The following EIF2AK3 variants were observed in gnomAD, a reference collection of about 807,000 sequenced individuals.
EIF2AK3 encodes the protein eukaryotic translation initiation factor 2 alpha kinase 3.
EIF2AK3 carries 50 observed loss-of-function variants against 113.5 expected under a neutral mutation model. The observed-to-expected ratio is 0.44, with a 90% CI of 0.35 to 0.56. The LOEUF is 0.56. Among genes scored for constraint, EIF2AK3 ranks in the 20% least tolerant of loss-of-function variants. EIF2AK3 has a pLI of 0.00. For synonymous variants in EIF2AK3, 448 were observed against 495.4 expected (o/e 0.90, Z 1.27); for missense variants, 1,185 against 1,378.0 (o/e 0.86, Z 2.22).
At chr2:88,621,478 G>A (rs1388981209) in intron 1 of EIF2AK3, among the ~76,000 whole-genome samples, 1 of 152,202 alleles carries the variant, frequency 6.6e-6, no homozygotes, top group Admixed American at 6.5e-5. Flanking sequence ...TATCCTTTCT[G>A]GGGGTTGGGG....
intron 1 of EIF2AK3, among the ~76,000 whole-genome samples, chr2:88,616,007 TC>T (rs991097183): frequency 2.0e-5 from 3 of 151,682 alleles, no homozygotes; most frequent in Non-Finnish European, 4.4e-5. Flanking sequence ...CTATATGGCT[TC>T]CAGGTCACCA....
At position 88,557,532 on chromosome 2, in the gene EIF2AK3, C is replaced by T. The variant is rs555858422; in HGVS notation, c.*204G>A. The T allele has an allele frequency of 4.4e-5, 27 of 612,618 alleles. No individual in the cohort carries two copies. In the East Asian group the frequency reaches 6.8e-4, roughly 15 times the overall value. 37.9% of individuals were successfully genotyped at this position (612,618 alleles called of 1,614,324 possible). ...AGACTAACAAAGAACAAAGATAGCC[C>T]TTTCCTTAAGTATAGCAAAACTCAG... On this transcript the variant is annotated 3_prime_UTR_variant, in exon 17 of 17. Coordinates refer to ENST00000303236, the MANE Select transcript of EIF2AK3 (RefSeq NM_004836.7).
intron 3 of EIF2AK3, 64 bp from the exon 4 acceptor site, chr2:88,593,469 T>C (rs1176107733): frequency 1.3e-6 from 2 of 1,584,966 alleles, no homozygotes; most frequent in Non-Finnish European, 1.7e-6. Context: ...ATCAGAGATA[T>C]TAAAGGAATC....
intron 9 of EIF2AK3, among the ~76,000 whole-genome samples, chr2:88,583,964 TA>T (rs373275419): frequency 3.9e-5 from 6 of 152,186 alleles, no homozygotes; most frequent in African/African-American, 1.2e-4. Context: ...ATTTCCTTCC[TA>T]ACCAGTTTCA....
At chr2:88,562,507 T>C in intron 14 of EIF2AK3, 117 bp from the exon 15 acceptor site, 2 of 800,306 alleles carry the variant, frequency 2.5e-6, no homozygotes, top group Non-Finnish European at 4.3e-6. Context: ...TGCAAGTACA[T>C]GTGTAAAAAT....
intron 1 of EIF2AK3, among the ~76,000 whole-genome samples, chr2:88,618,095 T>C (rs950012366): frequency 1.3e-5 from 2 of 152,280 alleles, no homozygotes; most frequent in South Asian, 2.1e-4. Flanking sequence ...GGTGGGAGGA[T>C]TGCTTGTGCC....
In EIF2AK3 at chr2:88,560,989, A is replaced by G. The variant is rs551511839; in HGVS notation, c.3087+1300T>C. Among the ~76,000 whole-genome samples the G allele has an allele frequency of 2.4e-4, 36 of 152,312 alleles. No individual in the cohort carries two copies. In the South Asian group the frequency reaches 7.2e-3, roughly 31 times the overall value. ...GGTAGCTACTTATGAAAGATAGGGA[A>G]GAATGTGACAGAGGCCCACTTTATT... On this transcript the variant is annotated intron_variant, in intron 15 of 16. Coordinates refer to ENST00000303236, the MANE Select transcript of EIF2AK3 (RefSeq NM_004836.7).
Position 88,588,733 on chromosome 2 carries a change from T to G in EIF2AK3, c.1306+28A>C, listed in dbSNP as rs374323638. On this transcript the variant is annotated intron_variant, in intron 7 of 16. Transcript: ENST00000303236. ...GGATTAGGTCTCTGAACACTAACAGTATTTAGAAAAGTTTACAATTCACTT... is the reference window on the plus strand; with the variant it reads ...GGATTAGGTCTCTGAACACTAACAGGATTTAGAAAAGTTTACAATTCACTT... 36 of 1,612,826 alleles carry G rather than the reference T, an allele frequency of 2.2e-5. No homozygotes were observed. The African/African-American group carries it at 3.7e-4, about 17-fold the overall frequency.
chr2:88,562,398 C>T lies in EIF2AK3; in HGVS notation c.2986-8G>A. The T allele has an allele frequency of 6.2e-7, 1 of 1,608,146 alleles. No homozygotes were observed. The highest frequency in any genetic ancestry group is 8.5e-7 in the Non-Finnish European group (1 of 1,174,678). ...ATAGCTGTTTCCATGAATCTGAAAT[C>T]CCACATAAAGAAAATTTAAAAATTA... is the stretch of plus-strand genomic sequence containing the variant. On this transcript the variant is annotated splice_region_variant and splice_polypyrimidine_tract_variant and intron_variant, in intron 14 of 16. Transcript: ENST00000303236.
intron 1 of EIF2AK3, among the ~76,000 whole-genome samples, chr2:88,625,611 T>G (rs1486927890): frequency 6.6e-6 from 1 of 152,182 alleles, no homozygotes; most frequent in African/African-American, 2.4e-5. Context: ...CTGCACACTC[T>G]CCTGGAAGGC....
At chr2:88,558,584 TA>T (rs1240222094) in intron 16 of EIF2AK3, among the ~76,000 whole-genome samples, 2 of 152,248 alleles carry the variant, frequency 1.3e-5, no homozygotes, top group Non-Finnish European at 2.9e-5. Flanking sequence ...CCCTTCATTA[TA>T]ATACTGAAAG....
chr2:88,582,718 CTAT>C (rs148097295), intron 10 of EIF2AK3, among the ~76,000 whole-genome samples: 5,446 of 152,118 alleles, frequency 0.036, 313 homozygotes, highest in African/African-American at 0.12. Flanking sequence ...ACATATTTAT[CTAT>C]TATTTTCAAT....
In EIF2AK3 at chr2:88,626,968, T is replaced by A; in HGVS notation, c.307A>T (p.Arg103Trp). The A allele has an allele frequency of 6.2e-7, 1 of 1,608,034 alleles. No individual in the cohort carries two copies. Among genetic ancestry groups the A allele is most frequent in the Non-Finnish European group, 8.5e-7 (1 of 1,178,404 alleles). ...TCCCCCGGGTCGGCAGCCCCTCACCTGCCGCGCGGTCGCAACTCTGTCTCA... is the reference window on the plus strand; with the variant it reads ...TCCCCCGGGTCGGCAGCCCCTCACCAGCCGCGCGGTCGCAACTCTGTCTCA... ...DDETELRPRG[R>W]SLVIISTLDG... Residue 103 changes from arginine to tryptophan, a missense_variant and splice_region_variant, in exon 1 of 17, where the codon AGG becomes TGG. Coordinates refer to ENST00000303236, the MANE Select transcript of EIF2AK3 (RefSeq NM_004836.7).
chr2:88,626,896 C>T, intron 1 of EIF2AK3, 71 bp downstream of exon 1: 2 of 1,562,200 alleles, frequency 1.3e-6, no homozygotes, highest in South Asian at 2.3e-5. Context: ...GGATCTCCGC[C>T]CCCCTACACC....
intron 2 of EIF2AK3, among the ~76,000 whole-genome samples, chr2:88,602,831 A>AGGTGT: frequency 6.6e-6 from 1 of 152,192 alleles, no homozygotes; most frequent in East Asian, 1.9e-4. Flanking sequence ...GAAGAGCATT[A>AGGTGT]GGACAAACAC....
intron 1 of EIF2AK3, among the ~76,000 whole-genome samples, chr2:88,621,674 A>G (rs1423207846): frequency 5.3e-5 from 8 of 152,166 alleles, no homozygotes; most frequent in African/African-American, 1.9e-4. Context: ...CTTCAAGTCA[A>G]ACCTCCTTTA....
Position 88,575,145 on chromosome 2 carries a change from C to A in EIF2AK3, c.2338G>T (p.Asp780Tyr), listed in dbSNP as rs1365163126. The change falls in exon 13 of 17, where the codon GAT becomes TAT. Residue 780 changes from aspartate (D) to tyrosine (Y), a missense_variant. Asp to Tyr is a radical substitution (Grantham distance 160). Transcript: ENST00000303236. ...CAAAGTTCAAAGGAGTGCCCCTCAT[C>A]ATTGCCATCCATAGTCCCATCTTCC... ...DVEDGTMDGN[D>Y]EGHSFELCPS... 6.2e-7 allele frequency: 1 copy of A among 1,614,112 alleles called. No homozygotes were observed. Among genetic ancestry groups the A allele is most frequent in the South Asian group, 1.1e-5 (1 of 91,088 alleles).
intron 1 of EIF2AK3, among the ~76,000 whole-genome samples, chr2:88,625,709 A>T (rs141206562): frequency 1.3e-5 from 2 of 152,332 alleles, no homozygotes; most frequent in East Asian, 3.9e-4. Context: ...TTTGAATTCT[A>T]AGAAAAAGAA....
chr2:88,614,404 A>G (rs551147107), intron 1 of EIF2AK3, among the ~76,000 whole-genome samples: 17 of 152,228 alleles, frequency 1.1e-4, no homozygotes, highest in Non-Finnish European at 1.9e-4. Context: ...CCTAGTAGAC[A>G]TCTAATTGAC....
Sources: allele counts gnomAD v4.1 joint callset (sites outside exome capture counted in the v4.1 genomes callset), GRCh38; gene constraint gnomAD v4.1.1; transcripts MANE v1.5; gene names NCBI Gene and HGNC (gene_info 2026-07-23, HGNC 2026-07-21).